ZNF385D: variants seen among roughly 807,000 people sequenced by gnomAD.
ZNF385D encodes zinc finger protein 385D.
ZNF385D carries 15 observed loss-of-function variants against 35.8 expected under a neutral mutation model. The ratio of observed to expected loss-of-function variants is 0.42; its 90% CI spans 0.28 to 0.64. The LOEUF (loss-of-function observed/expected upper bound fraction) is 0.64, where lower values mean the gene tolerates loss of function less well. Among genes scored for constraint, ZNF385D ranks in the 30% least tolerant of loss-of-function variants. The pLI is 0.23. For synonymous variants in ZNF385D, 212 were observed against 186.8 expected (o/e 1.13, Z -1.10); for missense variants, 474 against 494.6 (o/e 0.96, Z 0.39).
intron 5 of ZNF385D, among the ~76,000 whole-genome samples, chr3:21,427,255 T>C (rs13099633): frequency 0.059 from 9,035 of 152,280 alleles, 300 homozygotes; most frequent in South Asian, 0.098. Flanking sequence ...GAAAACTTCT[T>C]TATCCTAACA....
intron 1 of ZNF385D, among the ~76,000 whole-genome samples, chr3:21,713,384 C>A (rs9875205): frequency 0.046 from 6,963 of 152,140 alleles, 326 homozygotes; most frequent in African/African-American, 0.12. Flanking sequence ...GGCACTGCAC[C>A]CCCTGTAATC....
chr3:22,035,135 C>T (rs947053888), intron 3 of ZNF385D, among the ~76,000 whole-genome samples: 1 of 152,088 alleles, frequency 6.6e-6, no homozygotes, highest in African/African-American at 2.4e-5. Flanking sequence ...AGAAAGTGAA[C>T]ATAAAATGTT....
chr3:21,547,568 C>T (rs1319575478), intron 3 of ZNF385D, among the ~76,000 whole-genome samples: 2 of 151,824 alleles, frequency 1.3e-5, no homozygotes, highest in Non-Finnish European at 2.9e-5. Flanking sequence ...CAGTTAAGAT[C>T]AGTCTTCGTT....
At chr3:22,281,782 T>C (rs891808947) in intron 2 of ZNF385D, among the ~76,000 whole-genome samples, 5 of 152,120 alleles carry the variant, frequency 3.3e-5, no homozygotes, top group African/African-American at 4.8e-5. Flanking sequence ...GATTCCCTCT[T>C]TCTCTATCTT....
chr3:21,493,639 T>C (rs1392007366), intron 4 of ZNF385D, among the ~76,000 whole-genome samples: 2 of 150,100 alleles, frequency 1.3e-5, no homozygotes, highest in East Asian at 2.0e-4. Flanking sequence ...GATTTTTTCT[T>C]TTTTTTTTTG....
intron 4 of ZNF385D, among the ~76,000 whole-genome samples, chr3:21,460,243 C>A (rs1175987820): frequency 6.6e-6 from 1 of 152,060 alleles, no homozygotes; most frequent in Non-Finnish European, 1.5e-5. Flanking sequence ...TATGCCCTGG[C>A]CTGCATGAAT....
chr3:21,592,949 A>G (rs897440905), intron 2 of ZNF385D, among the ~76,000 whole-genome samples: 3 of 152,196 alleles, frequency 2.0e-5, no homozygotes, highest in Admixed American at 2.0e-4. Flanking sequence ...CAGGGCAGCA[A>G]GGGCTGAAAT....
chr3:21,534,095 C>T (rs1339375363), intron 3 of ZNF385D, among the ~76,000 whole-genome samples: 1 of 151,560 alleles, frequency 6.6e-6, no homozygotes, highest in Non-Finnish European at 1.5e-5. Flanking sequence ...GTATAATCAT[C>T]TTCATTATAC....
At position 21,801,783 on chromosome 3, in the gene ZNF385D, A is replaced by T. The variant is rs2072416151; in HGVS notation, c.326-136755T>A. Among the ~76,000 whole-genome samples the T allele has an allele frequency of 2.0e-5, 3 of 152,250 alleles. No individual in the cohort carries two copies. The South Asian group carries it at 6.2e-4, about 32-fold the overall frequency. ...CTCTGAGGCTGGGATTTTCAGTGAG[A>T]ATCTCTATATTTAGAGTGCCCGTCC... On this transcript the variant is annotated intron_variant, in intron 3 of 5. Coordinates refer to the ZNF385D transcript ENST00000494108.
intron 3 of ZNF385D, among the ~76,000 whole-genome samples, chr3:22,135,547 ACT>A (rs1447711295): frequency 6.6e-6 from 1 of 152,156 alleles, no homozygotes; most frequent in African/African-American, 2.4e-5. Context: ...AAAAATGTCA[ACT>A]CTTCTTAAAT....
chr3:21,863,410 G>A (rs910908151), intron 3 of ZNF385D, among the ~76,000 whole-genome samples: 51 of 152,216 alleles, frequency 3.4e-4, no homozygotes, highest in Admixed American at 2.3e-3. Context: ...TGCATGGAAA[G>A]ATGAATAATT....
intron 3 of ZNF385D, among the ~76,000 whole-genome samples, chr3:21,785,946 C>T (rs1412388704): frequency 6.6e-6 from 1 of 152,062 alleles, no homozygotes; most frequent in Non-Finnish European, 1.5e-5. Flanking sequence ...CCAAGCTTGA[C>T]CTTGGTGTGA....
chr3:21,910,029 T>A (rs1181089504), intron 3 of ZNF385D, among the ~76,000 whole-genome samples: 1 of 151,916 alleles, frequency 6.6e-6, no homozygotes, highest in Non-Finnish European at 1.5e-5. Context: ...TTTAGCTTAC[T>A]GCTACATTTC....
At chr3:21,760,091 A>G (rs2070533954) in intron 3 of ZNF385D, among the ~76,000 whole-genome samples, 1 of 152,202 alleles carries the variant, frequency 6.6e-6, no homozygotes, top group Non-Finnish European at 1.5e-5. Context: ...CAGTTTCAAC[A>G]TTCTTTTCAT....
chr3:22,220,463 C>T (rs1698185484), intron 2 of ZNF385D, among the ~76,000 whole-genome samples: 1 of 152,176 alleles, frequency 6.6e-6, no homozygotes, highest in Non-Finnish European at 1.5e-5. Context: ...CTGGCAATAT[C>T]ACAGCTCGGT....
At chr3:21,898,428 A>G (rs888762702) in intron 3 of ZNF385D, among the ~76,000 whole-genome samples, 2 of 152,170 alleles carry the variant, frequency 1.3e-5, no homozygotes, top group Non-Finnish European at 1.5e-5. Flanking sequence ...ACATAAACAC[A>G]TAAGAAAATG....
intron 2 of ZNF385D, among the ~76,000 whole-genome samples, chr3:22,329,373 T>A (rs1559523328): frequency 6.6e-6 from 1 of 152,228 alleles, no homozygotes; most frequent in Non-Finnish European, 1.5e-5. Context: ...TCCAGAGGAA[T>A]CTACATCAGT....
intron 3 of ZNF385D, among the ~76,000 whole-genome samples, chr3:21,977,785 A>G (rs1703728531): frequency 6.6e-6 from 1 of 152,112 alleles, no homozygotes. Flanking sequence ...ACGGTGGGCC[A>G]TGATCACACC....
chr3:21,818,952 T>G (rs1489928380), intron 3 of ZNF385D, among the ~76,000 whole-genome samples: 1 of 152,012 alleles, frequency 6.6e-6, no homozygotes, highest in African/African-American at 2.4e-5. Context: ...AACATAGCTA[T>G]TTAATTTTCA....
Sources: allele counts gnomAD v4.1 joint callset (sites outside exome capture counted in the v4.1 genomes callset), GRCh38; gene constraint gnomAD v4.1.1; transcripts MANE v1.5; gene names NCBI Gene and HGNC (gene_info 2026-07-23, HGNC 2026-07-21).